SAMSN1: variants seen among roughly 807,000 people sequenced by gnomAD.
SAMSN1 encodes the protein SAM domain-containing protein SAMSN-1.
A neutral mutation model predicts 42.0 loss-of-function variants in SAMSN1; 31 were observed. That is an observed-to-expected ratio of 0.74 (90% CI 0.55 to 1.00). The LOEUF is 1.00. Ranked by LOEUF, SAMSN1 falls within the 50% of genes least tolerant of loss-of-function variation. The probability of loss-of-function intolerance (pLI) is 0.00; values close to 1 mark genes in which losing one functional copy is unlikely to be tolerated. For missense variants in SAMSN1, 464 were observed against 439.4 expected (o/e 1.06, Z -0.50); for synonymous variants, 178 against 151.9 (o/e 1.17, Z -1.26).
chr21:14,526,736 C>T (rs917333210), intron 1 of SAMSN1, among the ~76,000 whole-genome samples: 15 of 152,106 alleles, frequency 9.9e-5, no homozygotes, highest in Admixed American at 9.8e-4. Flanking sequence ...TCCCAAGAGG[C>T]TTGCTTTCTG....
intron 3 of SAMSN1, among the ~76,000 whole-genome samples, chr21:14,615,090 A>C (rs1007143835): frequency 2.0e-5 from 3 of 152,208 alleles, no homozygotes; most frequent in African/African-American, 7.2e-5. Flanking sequence ...TCAGAAAAAC[A>C]GCCTCACATA....
chr21:14,580,671 C>G (rs532077882), intron 2 of SAMSN1, among the ~76,000 whole-genome samples: 3 of 152,352 alleles, frequency 2.0e-5, no homozygotes, highest in East Asian at 3.9e-4. Flanking sequence ...TACTATGGCA[C>G]TTTGAACACA....
At chr21:14,493,890 A>G (rs1162880717) in intron 7 of SAMSN1, among the ~76,000 whole-genome samples, 3 of 152,176 alleles carry the variant, frequency 2.0e-5, no homozygotes, top group Non-Finnish European at 4.4e-5. Flanking sequence ...GGGATTGCAG[A>G]ACCCCAGGGT....
intron 5 of SAMSN1, among the ~76,000 whole-genome samples, chr21:14,504,544 A>C (rs1198088060): frequency 6.6e-6 from 1 of 152,228 alleles, no homozygotes; most frequent in Non-Finnish European, 1.5e-5. Context: ...TATCCAAACC[A>C]ACAAAGACAA....
chr21:14,586,262 C>CAAAAA (rs67482796), upstream of SAMSN1, among the ~76,000 whole-genome samples: 35 of 50,572 alleles, frequency 6.9e-4, no homozygotes, highest in Non-Finnish European at 8.6e-4. Context: ...GACTCCATCT[C>CAAAAA]AAAAAAAAAA....
intron 2 of SAMSN1, among the ~76,000 whole-genome samples, chr21:14,563,107 C>T (rs1980997584): frequency 6.6e-6 from 1 of 152,172 alleles, no homozygotes; most frequent in Admixed American, 6.6e-5. Flanking sequence ...TGACCAGATT[C>T]ACTAGAGAGC....
intron 2 of SAMSN1, among the ~76,000 whole-genome samples, chr21:14,623,502 G>A (rs555473649): frequency 1.3e-5 from 2 of 152,186 alleles, no homozygotes; most frequent in South Asian, 2.1e-4. Context: ...CAGACTTTAA[G>A]CCAACAAAGA....
chr21:14,573,934 C>T lies in SAMSN1; in HGVS notation c.261+8202G>A, dbSNP rs149309550. On this transcript the variant is annotated intron_variant, in intron 2 of 8. Transcript: ENST00000285670. ...GCTACACATGCAAAATATGTCTTTTCTATAGTTTGCTTAGCAGTATTTGAA... is the reference window on the plus strand; with the variant it reads ...GCTACACATGCAAAATATGTCTTTTTTATAGTTTGCTTAGCAGTATTTGAA... Among the ~76,000 whole-genome samples, 541 of 152,246 alleles carry T rather than the reference C, an allele frequency of 3.6e-3. 4 individuals are homozygous for T. The highest frequency in any genetic ancestry group is 0.014 in the Middle Eastern group (4 of 294).
chr21:14,585,617 T>C (rs971696468), upstream of SAMSN1: 4 of 152,244 alleles, frequency 2.6e-5, no homozygotes, highest in African/African-American at 9.6e-5. Flanking sequence ...TTGTAGCCTT[T>C]TTAAAGCATG....
At chr21:14,507,339 C>A (rs1342148855) in intron 5 of SAMSN1, among the ~76,000 whole-genome samples, 1 of 152,166 alleles carries the variant, frequency 6.6e-6, no homozygotes, top group East Asian at 1.9e-4. Flanking sequence ...AAGAATTCAG[C>A]AAAGTTTCTG....
intron 1 of SAMSN1, among the ~76,000 whole-genome samples, chr21:14,644,485 G>A (rs546336465): frequency 1.6e-4 from 24 of 152,214 alleles, no homozygotes; most frequent in African/African-American, 3.9e-4. Flanking sequence ...CCTGCTAACC[G>A]AAGAGCCCTT....
intron 2 of SAMSN1, among the ~76,000 whole-genome samples, chr21:14,570,776 A>T (rs1334410772): frequency 6.6e-6 from 1 of 152,146 alleles, no homozygotes; most frequent in African/African-American, 2.4e-5. Flanking sequence ...ATGTAGAGTG[A>T]TCTTTCCAAA....
intron 7 of SAMSN1, among the ~76,000 whole-genome samples, chr21:14,492,878 G>A (rs1185510834): frequency 6.6e-6 from 1 of 152,182 alleles, no homozygotes; most frequent in African/African-American, 2.4e-5. Context: ...ACTTTGTGTG[G>A]ACAGGTAGCA....
chr21:14,612,967 TAATC>T, intron 3 of SAMSN1: 2 of 660,432 alleles, frequency 3.0e-6, no homozygotes, highest in South Asian at 3.3e-5. Context: ...AATAACATTT[TAATC>T]AAACAGAAAT....
At position 14,610,396 on chromosome 21, in the gene SAMSN1, G is replaced by C. The variant is rs1005391858; in HGVS notation, c.236-828C>G. Among the ~76,000 whole-genome samples the C allele has an allele frequency of 3.3e-5, 5 of 152,150 alleles. No homozygotes were observed. The East Asian group carries it at 9.6e-4, about 29-fold the overall frequency. On this transcript the variant is annotated intron_variant, in intron 4 of 15. Coordinates refer to the SAMSN1 transcript ENST00000647101. ...ATTCCAGCCTGGTGAATTCTAGTCAGACTGGTTCTCTGCTCTTGAACCGTG... is the reference window on the plus strand; with the variant it reads ...ATTCCAGCCTGGTGAATTCTAGTCACACTGGTTCTCTGCTCTTGAACCGTG...
chr21:14,489,964 T>C (rs894817329), intron 7 of SAMSN1, among the ~76,000 whole-genome samples: 5 of 152,096 alleles, frequency 3.3e-5, no homozygotes, highest in African/African-American at 1.2e-4. Context: ...TTTAAGGAAA[T>C]AAAACTGGAT....
intron 2 of SAMSN1, among the ~76,000 whole-genome samples, chr21:14,618,707 C>CGTGTGT (rs1387562090): frequency 6.8e-6 from 1 of 146,316 alleles, no homozygotes; most frequent in Admixed American, 6.8e-5. Flanking sequence ...CGCGCGCACG[C>CGTGTGT]GCGTGTGTGT....
intron 4 of SAMSN1, among the ~76,000 whole-genome samples, chr21:14,511,781 T>C (rs1007244971): frequency 2.0e-5 from 3 of 152,246 alleles, no homozygotes; most frequent in Non-Finnish European, 2.9e-5. Context: ...GATTTCCTTC[T>C]TAGAAAAAAT....
chr21:14,508,280 G>T (rs1600873020), intron 5 of SAMSN1, among the ~76,000 whole-genome samples: 2 of 151,998 alleles, frequency 1.3e-5, no homozygotes, highest in Admixed American at 6.6e-5. Flanking sequence ...AACCCACAGG[G>T]TGGGAAAAAA....
Sources: gnomAD v4.1 joint callset for allele counts (sites outside exome capture counted in the v4.1 genomes callset) on GRCh38, gnomAD v4.1.1 for gene constraint, MANE v1.5 for transcripts, NCBI Gene and HGNC (gene_info 2026-07-23, HGNC 2026-07-21) for gene names.